Variants in ANK3 observed in about 807,000 individuals in gnomAD.
ANK3 encodes the protein ankyrin 3.
A neutral mutation model predicts 370.9 loss-of-function variants in ANK3; 57 were observed. The observed-to-expected ratio is 0.15, with a 90% CI of 0.12 to 0.19. ANK3 has a LOEUF of 0.19. Ranked by LOEUF, ANK3 falls within the 10% of genes least tolerant of loss-of-function variation. ANK3 has a pLI of 1.00. For synonymous variants in ANK3, 1,929 were observed against 1,946.3 expected, an observed-to-expected ratio of 0.99 and a Z score of 0.23; for missense variants, 4,439 against 5,302.1, an observed-to-expected ratio of 0.84 and a Z score of 5.06.
At chr10:60,655,582 A>T (rs778985312) in intron 1 of ANK3, among the ~76,000 whole-genome samples, 13 of 152,200 alleles carry the variant, frequency 8.5e-5, no homozygotes, top group Admixed American at 1.3e-4. Flanking sequence ...AAATTTTTTT[A>T]AAATTAAAAA....
intron 7 of ANK3, among the ~76,000 whole-genome samples, chr10:60,243,747 A>G (rs2097510512): frequency 6.6e-6 from 1 of 152,236 alleles, no homozygotes; most frequent in East Asian, 1.9e-4. Flanking sequence ...AAATGACTGC[A>G]TCTCACAAGG....
At chr10:60,095,362 G>C (rs2089888577) in intron 28 of ANK3, among the ~76,000 whole-genome samples, 2 of 152,172 alleles carry the variant, frequency 1.3e-5, no homozygotes, top group South Asian at 4.1e-4. Context: ...GTAGAGACTG[G>C]TTATTGTTTG....
In ANK3 at chr10:60,486,836, A is replaced by G. The variant is rs370439839; in HGVS notation, c.96+128350T>C. On this transcript the variant is annotated intron_variant, in intron 2 of 43. Transcript: ENST00000373827. The stretch of plus-strand genomic sequence containing the variant: ...TAACACTAAAAAATGTGTCCCTCCA[A>G]TTTTCTGTAGTATATACAGCAATGC... 4.6e-5 allele frequency among the ~76,000 whole-genome samples: 7 copies of G among 152,262 alleles called. No homozygotes were observed. The East Asian group carries it at 1.4e-3, about 29-fold the overall frequency.
chr10:60,278,325 T>A (rs1338373494), intron 4 of ANK3, among the ~76,000 whole-genome samples: 4 of 152,312 alleles, frequency 2.6e-5, no homozygotes, highest in African/African-American at 7.2e-5. Context: ...AATCTCTCTC[T>A]CACACACATA....
intron 18 of ANK3, among the ~76,000 whole-genome samples, chr10:60,177,098 C>T (rs2095987606): frequency 6.6e-6 from 1 of 152,190 alleles, no homozygotes; most frequent in South Asian, 2.1e-4. Context: ...TTGAGCTTCT[C>T]TTATCTGAAA....
At chr10:60,145,495 C>G (rs1213761482) in intron 23 of ANK3, among the ~76,000 whole-genome samples, 1 of 152,116 alleles carries the variant, frequency 6.6e-6, no homozygotes, top group Non-Finnish European at 1.5e-5. Context: ...AGAATCAGAT[C>G]AATTATAATT....
chr10:60,436,088 C>A (rs371368188), intron 2 of ANK3, among the ~76,000 whole-genome samples: 69 of 145,132 alleles, frequency 4.8e-4, no homozygotes, highest in Admixed American at 6.2e-4. Context: ...GACTCCGTCT[C>A]AAAAAAAAAT....
chr10:60,337,765 A>G (rs558900174), intron 1 of ANK3, among the ~76,000 whole-genome samples: 7 of 152,190 alleles, frequency 4.6e-5, no homozygotes, highest in Non-Finnish European at 7.3e-5. Context: ...ATATTCCCTG[A>G]CTTCACAGTT....
At chr10:60,325,674 T>G (rs2049677189) in intron 1 of ANK3, among the ~76,000 whole-genome samples, 1 of 152,216 alleles carries the variant, frequency 6.6e-6, no homozygotes, top group Non-Finnish European at 1.5e-5. Flanking sequence ...GCTTATACAC[T>G]GTTGGTGGGA....
rs140408049 is a variant in ANK3, at chr10:60,509,357, A to T, written c.96+105829T>A. On this transcript the variant is annotated intron_variant, in intron 2 of 43. Transcript: ENST00000373827. ...CATTTTACATGTACAAATTCACTTAATATTTTAAACAATTATTTGAGGCAT... is the reference window on the plus strand; with the variant it reads ...CATTTTACATGTACAAATTCACTTATTATTTTAAACAATTATTTGAGGCAT... Among the ~76,000 whole-genome samples, 455 of 152,276 alleles carry T rather than the reference A, an allele frequency of 3.0e-3. 1 individual carries two copies. Among genetic ancestry groups the T allele is most frequent in the African/African-American group, 0.01 (435 of 41,556 alleles).
upstream of ANK3, among the ~76,000 whole-genome samples, chr10:60,391,190 A>G (rs893735328): frequency 3.3e-5 from 5 of 152,218 alleles, no homozygotes; most frequent in Non-Finnish European, 5.9e-5. Flanking sequence ...CACTTCTCTG[A>G]GGCCTCACGG....
intron 7 of ANK3, among the ~76,000 whole-genome samples, chr10:60,260,734 T>G (rs2097791571): frequency 6.6e-6 from 1 of 152,090 alleles, no homozygotes; most frequent in African/African-American, 2.4e-5. Context: ...CTCTTCTTGC[T>G]CTCTTGCTCC....
chr10:60,330,846 G>A (rs2051070187), intron 1 of ANK3, among the ~76,000 whole-genome samples: 1 of 152,154 alleles, frequency 6.6e-6, no homozygotes, highest in Non-Finnish European at 1.5e-5. Flanking sequence ...GTTCACAATA[G>A]CAAAGACTTG....
intron 43 of ANK3, among the ~76,000 whole-genome samples, chr10:60,033,352 T>TA (rs2074132497): frequency 6.6e-6 from 1 of 151,632 alleles, no homozygotes; most frequent in South Asian, 2.1e-4. Context: ...CAGCCTCTAC[T>TA]AAAAATACAA....
At chr10:60,292,040 A>C (rs910471864) in intron 1 of ANK3, among the ~76,000 whole-genome samples, 1 of 152,162 alleles carries the variant, frequency 6.6e-6, no homozygotes, top group East Asian at 1.9e-4. Flanking sequence ...TTAAAATGAA[A>C]ACGAATTATT....
intron 1 of ANK3, among the ~76,000 whole-genome samples, chr10:60,307,834 T>C (rs1258019766): frequency 6.6e-6 from 1 of 152,252 alleles, no homozygotes; most frequent in African/African-American, 2.4e-5. Context: ...CTAGCCACTC[T>C]TTGTGTGTCA....
intron 1 of ANK3, among the ~76,000 whole-genome samples, chr10:60,618,401 C>T (rs2078292376): frequency 6.6e-6 from 1 of 152,068 alleles, no homozygotes; most frequent in African/African-American, 2.4e-5. Context: ...TTTTAATATT[C>T]ATCAATATTT....
chr10:60,707,160 C>G (rs1243048765), intron 1 of ANK3, among the ~76,000 whole-genome samples: 1 of 152,082 alleles, frequency 6.6e-6, no homozygotes, highest in Non-Finnish European at 1.5e-5. Flanking sequence ...TCAAAAATCA[C>G]TGAATAATTT....
intron 2 of ANK3, among the ~76,000 whole-genome samples, chr10:60,415,373 C>G: frequency 6.6e-6 from 1 of 152,086 alleles, no homozygotes; most frequent in East Asian, 1.9e-4. Flanking sequence ...ATCTGCAAAA[C>G]GTAAAAAGAA....
Sources: allele counts gnomAD v4.1 joint callset (sites outside exome capture counted in the v4.1 genomes callset), GRCh38; gene constraint gnomAD v4.1.1; transcripts MANE v1.5; gene names NCBI Gene and HGNC (gene_info 2026-07-23, HGNC 2026-07-21).